Variants in PARD3 observed in about 807,000 individuals in gnomAD.
PARD3 encodes par-3 family cell polarity regulator.
A neutral mutation model predicts 155.4 loss-of-function variants in PARD3; 75 were observed. The observed-to-expected ratio is 0.48, with a 90% CI of 0.40 to 0.58. The LOEUF (loss-of-function observed/expected upper bound fraction) is 0.58, where lower values mean the gene tolerates loss of function less well. Among genes scored for constraint, PARD3 ranks in the 20% least tolerant of loss-of-function variants. The pLI, the probability that PARD3 is intolerant of heterozygous loss-of-function variation, is 0.00. For missense variants in PARD3, 1,642 were observed against 1,721.7 expected, an observed-to-expected ratio of 0.95 and a Z score of 0.82; for synonymous variants, 576 against 610.5, an observed-to-expected ratio of 0.94 and a Z score of 0.83.
At position 34,762,209 on chromosome 10, in the gene PARD3, A is replaced by G. The variant is rs192258395; in HGVS notation, c.120+52667T>C. On this transcript the variant is annotated intron_variant, in intron 1 of 24. Coordinates refer to ENST00000374788, the MANE Select transcript of PARD3 (RefSeq NM_001184785.2). ...AAAACATTTATCAACCCACTTTACT[A>G]AACAGTTTACTTTTTTGTGTGTGAG... is the stretch of plus-strand genomic sequence containing the variant. 9.9e-5 allele frequency among the ~76,000 whole-genome samples: 15 copies of G among 152,138 alleles called. No individual in the cohort carries two copies. In the East Asian group the frequency reaches 2.7e-3, roughly 27 times the overall value.
At chr10:34,664,788 G>A (rs1385437129) in intron 2 of PARD3, among the ~76,000 whole-genome samples, 1 of 152,164 alleles carries the variant, frequency 6.6e-6, no homozygotes, top group Non-Finnish European at 1.5e-5. Context: ...GCCTGGCCCA[G>A]AAACCTTTTT....
At chr10:34,359,382 C>T in intron 13 of PARD3, 65 bp from the exon 14 acceptor site, 1 of 1,127,814 alleles carries the variant, frequency 8.9e-7, no homozygotes, top group Non-Finnish European at 1.3e-6. Context: ...GTAGCTTTTC[C>T]TTTAGTTAAT....
intron 5 of PARD3, among the ~76,000 whole-genome samples, chr10:34,410,552 T>C (rs1844942508): frequency 6.6e-6 from 1 of 152,230 alleles, no homozygotes. Flanking sequence ...TAACATAATG[T>C]TTCAAATGGC....
intron 24 of PARD3, among the ~76,000 whole-genome samples, chr10:34,116,955 G>A (rs1946708160): frequency 6.6e-6 from 1 of 152,192 alleles, no homozygotes; most frequent in African/African-American, 2.4e-5. Context: ...AAAGAAGGGA[G>A]AGGAATGGGA....
intron 1 of PARD3, among the ~76,000 whole-genome samples, chr10:34,697,392 T>C (rs2094194505): frequency 6.6e-6 from 1 of 152,186 alleles, no homozygotes; most frequent in African/African-American, 2.4e-5. Context: ...AAGCAAAGAT[T>C]GGAAGAAGGA....
chr10:34,272,541 G>C (rs1241583427), intron 21 of PARD3, among the ~76,000 whole-genome samples: 2 of 152,054 alleles, frequency 1.3e-5, no homozygotes, highest in African/African-American at 4.8e-5. Flanking sequence ...ACCAGCCTAG[G>C]CAACACAGTA....
intron 1 of PARD3, among the ~76,000 whole-genome samples, chr10:34,702,786 C>T (rs1417479376): frequency 6.6e-6 from 1 of 152,190 alleles, no homozygotes; most frequent in Non-Finnish European, 1.5e-5. Context: ...TCACAGTGTA[C>T]GCCCGTGCCT....
chr10:34,247,625 G>T (rs578195277), intron 22 of PARD3, among the ~76,000 whole-genome samples: 1 of 152,158 alleles, frequency 6.6e-6, no homozygotes, highest in East Asian at 1.9e-4. Flanking sequence ...AAGAAAAACA[G>T]GAACATAAAG....
intron 5 of PARD3, among the ~76,000 whole-genome samples, chr10:34,447,921 A>G (rs902521509): frequency 6.6e-6 from 1 of 152,216 alleles, no homozygotes; most frequent in Non-Finnish European, 1.5e-5. Flanking sequence ...TGAAACAGTA[A>G]GAAGTCTCCT....
chr10:34,554,195 C>A (rs2084810532), intron 2 of PARD3, among the ~76,000 whole-genome samples: 1 of 152,196 alleles, frequency 6.6e-6, no homozygotes, highest in Admixed American at 6.5e-5. Context: ...ATTCTCAAAA[C>A]ATCAGGTTTT....
intron 5 of PARD3, among the ~76,000 whole-genome samples, chr10:34,433,696 G>A (rs2076055868): frequency 6.6e-6 from 1 of 152,090 alleles, no homozygotes; most frequent in South Asian, 2.1e-4. Flanking sequence ...ATCATTCAAT[G>A]TAAGAAAATA....
rs55765243 is a variant in PARD3, at chr10:34,585,547, C to CTT, written c.223-68390_223-68389dup. Among the ~76,000 whole-genome samples, 663 of 143,108 alleles carry CTT rather than the reference C, an allele frequency of 4.6e-3. 9 individuals are homozygous for CTT. The highest frequency in any genetic ancestry group is 0.022 in the Admixed American group (322 of 14,394). The allele number at this position is 143,108 out of a possible 152,430, so 93.9% of individuals were successfully genotyped here. On this transcript the variant is annotated intron_variant, in intron 2 of 24. Transcript: ENST00000374788. ...TTTTTCTTTTTTTTTCTTTTTCTTT[C>CTT]TTTTTTTTTTTGGCAAAACTCTGGA...
intron 1 of PARD3, among the ~76,000 whole-genome samples, chr10:34,718,494 C>A (rs1564542249): frequency 1.3e-5 from 2 of 151,038 alleles, no homozygotes; most frequent in Non-Finnish European, 3.0e-5. Context: ...ACCACGTCTC[C>A]ACAAAAGGCA....
chr10:34,533,089 A>T (rs192882549), intron 2 of PARD3, among the ~76,000 whole-genome samples: 2 of 152,364 alleles, frequency 1.3e-5, no homozygotes, highest in Admixed American at 1.3e-4. Context: ...CCAAAGAAAA[A>T]GTACAATAAG....
Position 34,710,188 on chromosome 10 carries a change from T to C in PARD3, c.121-13769A>G, listed in dbSNP as rs114967568. Among the ~76,000 whole-genome samples the C allele has an allele frequency of 3.3e-3, 498 of 152,254 alleles. 3 individuals are homozygous for C. Among genetic ancestry groups the C allele is most frequent in the African/African-American group, 0.01 (431 of 41,530 alleles). ...TATACACGTAAAAACAGGAAACAGG[T>C]TGAACACATTCAATCAATTAAACAC... is the stretch of plus-strand genomic sequence containing the variant. On this transcript the variant is annotated intron_variant, in intron 1 of 24. Coordinates refer to ENST00000374788, the MANE Select transcript of PARD3 (RefSeq NM_001184785.2).
intron 3 of PARD3, among the ~76,000 whole-genome samples, chr10:34,485,491 A>G (rs568350462): frequency 1.3e-5 from 2 of 152,308 alleles, no homozygotes; most frequent in Admixed American, 6.5e-5. Flanking sequence ...CAATCAATAC[A>G]TGTAAGGTGT....
chr10:34,129,999 T>C (rs1300282683), intron 23 of PARD3, among the ~76,000 whole-genome samples: 5 of 152,008 alleles, frequency 3.3e-5, no homozygotes, highest in Non-Finnish European at 7.4e-5. Context: ...TTCTTCCTTC[T>C]GTCCTACTCT....
intron 7 of PARD3, 60 bp downstream of exon 7, chr10:34,399,270 A>G (rs1050862586): frequency 3.1e-5 from 32 of 1,044,238 alleles, no homozygotes; most frequent in Non-Finnish European, 4.4e-5. Context: ...CTATCTGAGC[A>G]TAAATGAAGA....
chr10:34,169,304 A>G (rs145559129), intron 22 of PARD3, among the ~76,000 whole-genome samples: 1 of 152,234 alleles, frequency 6.6e-6, no homozygotes, highest in Non-Finnish European at 1.5e-5. Flanking sequence ...CAGTGAAAGA[A>G]TAAGTTCCGT....
Sources: gnomAD v4.1 joint callset for allele counts (sites outside exome capture counted in the v4.1 genomes callset) on GRCh38, gnomAD v4.1.1 for gene constraint, MANE v1.5 for transcripts, NCBI Gene and HGNC (gene_info 2026-07-23, HGNC 2026-07-21) for gene names.